UBE2H: variants seen among roughly 807,000 people sequenced by gnomAD.
The protein encoded by UBE2H is ubiquitin-conjugating enzyme E2 H.
UBE2H carries 3 observed loss-of-function variants against 29.0 expected under a neutral mutation model. The observed-to-expected ratio is 0.10, with a 90% confidence interval of 0.05 to 0.27. The LOEUF is 0.27. Ranked by LOEUF, UBE2H falls within the 10% of genes least tolerant of loss-of-function variation. The probability of loss-of-function intolerance (pLI) is 1.00; values close to 1 mark genes in which losing one functional copy is unlikely to be tolerated. For synonymous variants in UBE2H, 69 were observed against 82.9 expected (o/e 0.83, Z 0.91); for missense variants, 68 against 228.2 (o/e 0.30, Z 4.52).
intron 3 of UBE2H, among the ~76,000 whole-genome samples, chr7:129,865,484 C>T (rs1256117104): frequency 6.6e-6 from 1 of 152,168 alleles, no homozygotes; most frequent in Admixed American, 6.5e-5. Context: ...CCAGAAATTT[C>T]ACCTGTCAGA....
chr7:129,915,258 C>T (rs1040237912), intron 1 of UBE2H, among the ~76,000 whole-genome samples: 2 of 152,136 alleles, frequency 1.3e-5, no homozygotes, highest in East Asian at 3.9e-4. Context: ...TAAATACAGC[C>T]GGGCGCGGTG....
chr7:129,855,113 G>A (rs980288005), intron 5 of UBE2H, among the ~76,000 whole-genome samples: 1 of 152,190 alleles, frequency 6.6e-6, no homozygotes, highest in Non-Finnish European at 1.5e-5. Flanking sequence ...ATAACTGAAT[G>A]TATTAAAAAC....
At chr7:129,933,655 G>A (rs1052700668) in intron 1 of UBE2H, among the ~76,000 whole-genome samples, 25 of 152,148 alleles carry the variant, frequency 1.6e-4, no homozygotes, top group African/African-American at 4.8e-4. Context: ...GAAAAGAATT[G>A]AATTCCCCAT....
chr7:129,943,712 C>T (rs1173500431), intron 1 of UBE2H, among the ~76,000 whole-genome samples: 1 of 152,112 alleles, frequency 6.6e-6, no homozygotes, highest in African/African-American at 2.4e-5. Context: ...ACCAACCTGG[C>T]CAACATGGCA....
chr7:129,918,360 T>C (rs1282557543), intron 1 of UBE2H, among the ~76,000 whole-genome samples: 1 of 149,892 alleles, frequency 6.7e-6, no homozygotes, highest in Non-Finnish European at 1.5e-5. Context: ...AAAATCCAAA[T>C]TCTTTTTTTT....
At chr7:129,925,266 G>A (rs1807242847) in intron 1 of UBE2H, among the ~76,000 whole-genome samples, 1 of 151,928 alleles carries the variant, frequency 6.6e-6, no homozygotes, top group Admixed American at 6.6e-5. Context: ...AGAATTGCTT[G>A]AATCCAGGAG....
In UBE2H at chr7:129,834,807, T is replaced by C; in HGVS notation, c.*130A>G. On this transcript the variant is annotated 3_prime_UTR_variant, in exon 7 of 7. Transcript: ENST00000355621. ...TAAAGGGTGATATATAATATATATA[T>C]ATCAATGCTATTATTCATAAAAACC... The C allele has an allele frequency of 2.0e-6, 2 of 992,110 alleles. No individual in the cohort carries two copies. The highest frequency in any genetic ancestry group is 2.9e-6 in the Non-Finnish European group (2 of 696,168). The allele number at this position is 992,110 out of a possible 1,614,324, so 61.5% of individuals were successfully genotyped here.
chr7:129,856,866 C>G (rs1805714771), intron 5 of UBE2H: 1 of 152,090 alleles, frequency 6.6e-6, no homozygotes, highest in African/African-American at 2.4e-5. Context: ...GAACTGATCC[C>G]CTGCAGATAC....
chr7:129,939,630 C>T (rs1329773015), intron 1 of UBE2H, among the ~76,000 whole-genome samples: 1 of 152,110 alleles, frequency 6.6e-6, no homozygotes, highest in Non-Finnish European at 1.5e-5. Flanking sequence ...ATCAACTTAT[C>T]AGCAACTGTC....
chr7:129,879,026 G>C (rs1181085352), intron 3 of UBE2H, among the ~76,000 whole-genome samples: 1 of 152,170 alleles, frequency 6.6e-6, no homozygotes, highest in Non-Finnish European at 1.5e-5. Context: ...AAGGTGAGGA[G>C]AAAGTACCTC....
At chr7:129,846,250 G>A (rs1270826423) in intron 5 of UBE2H, among the ~76,000 whole-genome samples, 3 of 152,094 alleles carry the variant, frequency 2.0e-5, no homozygotes, top group Non-Finnish European at 4.4e-5. Flanking sequence ...GTTCATGTCT[G>A]TAATCCTAGC....
intron 1 of UBE2H, among the ~76,000 whole-genome samples, chr7:129,936,752 T>C (rs1458249152): frequency 7.0e-6 from 1 of 143,284 alleles, no homozygotes; most frequent in Non-Finnish European, 1.5e-5. Context: ...AGGTCAGGAG[T>C]TCGAGACCAG....
At chr7:129,894,126 G>A (rs1008150798) in intron 1 of UBE2H, among the ~76,000 whole-genome samples, 1 of 152,212 alleles carries the variant, frequency 6.6e-6, no homozygotes, top group Admixed American at 6.5e-5. Context: ...CTGCACTCCA[G>A]TCTGGCAACA....
intron 1 of UBE2H, among the ~76,000 whole-genome samples, chr7:129,918,025 C>T (rs1807078513): frequency 2.6e-5 from 4 of 151,858 alleles, no homozygotes; most frequent in African/African-American, 7.2e-5. Context: ...CTGAGAATTT[C>T]AAAACACGAC....
At chr7:129,854,060 GTTTTTTT>G (rs56362841) in intron 5 of UBE2H, among the ~76,000 whole-genome samples, 31 of 100,312 alleles carry the variant, frequency 3.1e-4, no homozygotes, top group Admixed American at 4.3e-4. Flanking sequence ...TTTAGTGTTA[GTTTTTTT>G]TTTTTTTTTT....
chr7:129,892,101 C>T lies in UBE2H; in HGVS notation c.54-11130G>A, dbSNP rs567598427. On this transcript the variant is annotated intron_variant, in intron 1 of 6. Coordinates refer to ENST00000355621, the MANE Select transcript of UBE2H (RefSeq NM_003344.4). ...CCAAGCAGCTGGGACTACAGGCGCCCGCCACCAGGCCAAGCTAATTTTTTG... is the reference window on the plus strand; with the variant it reads ...CCAAGCAGCTGGGACTACAGGCGCCTGCCACCAGGCCAAGCTAATTTTTTG... 5.3e-5 allele frequency among the ~76,000 whole-genome samples: 8 copies of T among 151,948 alleles called. 1 individual carries two copies. In the South Asian group the frequency reaches 1.5e-3, roughly 28 times the overall value.
intron 1 of UBE2H, among the ~76,000 whole-genome samples, chr7:129,884,236 T>C (rs950009607): frequency 4.6e-5 from 7 of 151,868 alleles, no homozygotes; most frequent in Non-Finnish European, 7.4e-5. Context: ...GTTAACACGG[T>C]GAAACCCCGT....
At chr7:129,928,140 G>C (rs1807310500) in intron 1 of UBE2H, among the ~76,000 whole-genome samples, 1 of 151,468 alleles carries the variant, frequency 6.6e-6, no homozygotes, top group Admixed American at 6.6e-5. Flanking sequence ...AGACCATCCT[G>C]GCCAACACGG....
At chr7:129,901,935 A>T (rs1806724203) in intron 1 of UBE2H, among the ~76,000 whole-genome samples, 1 of 152,166 alleles carries the variant, frequency 6.6e-6, no homozygotes, top group African/African-American at 2.4e-5. Context: ...AGGCAGGAGT[A>T]GCAGAAGCAA....
Sources: allele counts gnomAD v4.1 joint callset (sites outside exome capture counted in the v4.1 genomes callset), GRCh38; gene constraint gnomAD v4.1.1; transcripts MANE v1.5; gene names NCBI Gene and HGNC (gene_info 2026-07-23, HGNC 2026-07-21).